ZFX: variants seen among roughly 807,000 people sequenced by gnomAD.
ZFX encodes the protein zinc finger protein X-linked.
For missense variants in ZFX, 362 were observed against 628.3 expected (o/e 0.58, Z 4.53); for synonymous variants, 196 against 226.8 (o/e 0.86, Z 1.22).
intron 4 of ZFX, chrX:24,175,291 A>G (rs1176115632): frequency 1.8e-5 from 2 of 112,265 alleles, no homozygotes; most frequent in African/African-American, 6.5e-5. Flanking sequence ...CTTGATTGAT[A>G]ACACTTAATG....
intron 5 of ZFX, among the ~76,000 whole-genome samples, chrX:24,193,498 G>A (rs866059688): frequency 1.9e-4 from 21 of 111,724 alleles, no homozygotes; most frequent in South Asian, 3.7e-4. Flanking sequence ...GAAGGGTGCT[G>A]ATGGTTGCAC....
chrX:24,153,636 C>T (rs1362052848), intron 3 of ZFX, among the ~76,000 whole-genome samples: 1 of 111,714 alleles, frequency 9.0e-6, no homozygotes, highest in Admixed American at 9.6e-5. Flanking sequence ...TAAAAGTGCT[C>T]TGTGTTTCAG....
intron 5 of ZFX, among the ~76,000 whole-genome samples, chrX:24,189,023 G>T (rs1193859066): frequency 9.0e-6 from 1 of 111,426 alleles, no homozygotes; most frequent in Non-Finnish European, 1.9e-5. Context: ...ATTTTTAGTA[G>T]AGACGGGGTT....
At chrX:24,181,806 C>T (rs1935710163) in intron 5 of ZFX, among the ~76,000 whole-genome samples, 1 of 111,360 alleles carries the variant, frequency 9.0e-6, no homozygotes, top group African/African-American at 3.3e-5. Context: ...TTAGTTTTCG[C>T]CATTCTGATA....
intron 3 of ZFX, among the ~76,000 whole-genome samples, chrX:24,161,289 C>A (rs2520330): frequency 0.33 from 36,178 of 110,840 alleles, 4,317 homozygotes; most frequent in South Asian, 0.63. Context: ...TAAAGATGTC[C>A]GTTCTCTCTA....
At position 24,172,736 on chromosome X, in the gene ZFX, A is replaced by G. The variant is rs1202525729; in HGVS notation, c.-7A>G. 1.7e-6 allele frequency: 2 copies of G among 1,190,149 alleles called. No homozygotes were observed. The highest frequency in any genetic ancestry group is 2.3e-6 in the Non-Finnish European group (2 of 887,561). On this transcript the variant is annotated 5_prime_UTR_variant, in exon 4 of 10. Transcript: ENST00000304543. Reference sequence around the variant, plus strand: ...TTAGGAGCTGTGACTGATGAGAATTAAAGGCCATGGATGAAGATGGGCTTG... The same window carrying G: ...TTAGGAGCTGTGACTGATGAGAATTGAAGGCCATGGATGAAGATGGGCTTG...
intron 3 of ZFX, among the ~76,000 whole-genome samples, chrX:24,170,518 C>G (rs751997756): frequency 1.8e-5 from 2 of 110,242 alleles, no homozygotes; most frequent in South Asian, 7.6e-4. Flanking sequence ...ATTCTATAGC[C>G]AGAGGTGGTT....
chrX:24,166,590 T>C (rs1390650472), intron 3 of ZFX, among the ~76,000 whole-genome samples: 2 of 111,929 alleles, frequency 1.8e-5, no homozygotes, highest in East Asian at 2.8e-4. Flanking sequence ...AACCTTCCAC[T>C]ACTATTGATT....
In ZFX at chrX:24,179,587, C is replaced by T; in HGVS notation, c.463C>T (p.His155Tyr). The change falls in exon 5 of 10, where the codon CAT becomes TAT. Residue 155 changes from histidine to tyrosine, a missense_variant. Transcript: ENST00000304543. Reference protein sequence around the residue: ...GHVGHVGHVEHVVHDSVVEAE... With the variant: ...GHVGHVGHVEYVVHDSVVEAE... ...TGTTGGACATGTTGGACATGTTGAA[C>T]ATGTGGTTCATGATAGTGTAGTGGA... is the stretch of plus-strand genomic sequence containing the variant. 8.3e-7 allele frequency: 1 copy of T among 1,211,863 alleles called. No individual in the cohort carries two copies. Among genetic ancestry groups the T allele is most frequent in the Non-Finnish European group, 1.1e-6 (1 of 895,596 alleles).
chrX:24,172,942 A>G (rs888697872), intron 4 of ZFX, 142 bp downstream of exon 4: 9 of 522,295 alleles, frequency 1.7e-5, no homozygotes, highest in African/African-American at 7.3e-5. Context: ...CGGTGAGCAC[A>G]TTATTATTAC....
chrX:24,184,119 G>T (rs1427630351), intron 5 of ZFX, among the ~76,000 whole-genome samples: 5 of 111,500 alleles, frequency 4.5e-5, no homozygotes, highest in African/African-American at 1.6e-4. Context: ...ATCTCATTGT[G>T]TATATGCAAA....
At chrX:24,186,992 A>T (rs1233256094) in intron 5 of ZFX, among the ~76,000 whole-genome samples, 1 of 112,110 alleles carries the variant, frequency 8.9e-6, no homozygotes. Flanking sequence ...GGCATTAACG[A>T]TAAATTTCTT....
chrX:24,170,247 C>G (rs938279045), intron 3 of ZFX, among the ~76,000 whole-genome samples: 2 of 108,217 alleles, frequency 1.8e-5, no homozygotes, highest in Non-Finnish European at 3.8e-5. Flanking sequence ...CCTCCACCTC[C>G]CGGATTCAAG....
At chrX:24,198,275 T>C (rs922380177) in intron 5 of ZFX, among the ~76,000 whole-genome samples, 1 of 111,588 alleles carries the variant, frequency 9.0e-6, no homozygotes, top group African/African-American at 3.3e-5. Context: ...CGATCATGAC[T>C]CACTGCAGCC....
chrX:24,194,586 T>G (rs932583392), intron 5 of ZFX, among the ~76,000 whole-genome samples: 1 of 111,327 alleles, frequency 9.0e-6, no homozygotes, highest in South Asian at 3.8e-4. Flanking sequence ...TATCTTGTTT[T>G]TACTACTCTT....
intron 3 of ZFX, among the ~76,000 whole-genome samples, chrX:24,166,009 GA>G (rs1489348058): frequency 8.9e-6 from 1 of 112,325 alleles, no homozygotes; most frequent in African/African-American, 3.2e-5. Flanking sequence ...CTTTATTAAG[GA>G]GGCTGTACTG....
In ZFX at chrX:24,179,564, T is replaced by A. The variant is rs747616979; in HGVS notation, c.440T>A (p.Val147Asp). ...DSIHVSDVGH[V>D]GHVGHVEHVV... is the part of the protein sequence containing the mutation. ...ATACATGTGTCTGACGTTGGACATG[T>A]TGGACATGTTGGACATGTTGAACAT... Residue 147 changes from valine to aspartate, a missense_variant, in exon 5 of 10, where the codon GTT (valine) becomes GAT (aspartate). By Grantham distance (152) the Val-to-Asp change is radical. Transcript: ENST00000304543. 8.3e-7 allele frequency: 1 copy of A among 1,210,440 alleles called. No individual in the cohort carries two copies. The highest frequency in any genetic ancestry group is 1.7e-5 in the African/African-American group (1 of 57,248).
chrX:24,172,680 C>CT lies in ZFX; in HGVS notation c.-28-34dup, dbSNP rs748040384. ...GCATTTAATACCTGATATGAAAAAA[C>CT]TAATGGCTTTGGTTTACTTTTTTCC... On this transcript the variant is annotated intron_variant, in intron 3 of 9. Transcript: ENST00000304543. 10 of 1,047,668 alleles carry CT rather than the reference C, an allele frequency of 9.5e-6. No individual in the cohort carries two copies. The South Asian group carries it at 2.6e-4, about 27-fold the overall frequency. 86.3% of individuals were successfully genotyped at this position (1,047,668 alleles called of 1,213,427 possible). A position where few individuals can be genotyped will look rare whatever the true frequency, so the allele number is the denominator to read the frequency against.
chrX:24,175,810 C>A (rs1269920957), intron 4 of ZFX, among the ~76,000 whole-genome samples: 1 of 110,676 alleles, frequency 9.0e-6, no homozygotes, highest in Non-Finnish European at 1.9e-5. Flanking sequence ...AACTCCTGAC[C>A]TCAAGTGATT....
Sources: allele counts gnomAD v4.1 joint callset (sites outside exome capture counted in the v4.1 genomes callset), GRCh38; gene constraint gnomAD v4.1.1; transcripts MANE v1.5; gene names NCBI Gene and HGNC (gene_info 2026-07-23, HGNC 2026-07-21).